The following LOC400499 variants were observed in gnomAD, a reference collection of about 807,000 sequenced individuals.
chr16:11,468,777 G>A, the LOC400499 span, among the ~76,000 whole-genome samples: 11 of 152,008 alleles, frequency 7.2e-5, no homozygotes, highest in Non-Finnish European at 1.3e-4. Flanking sequence ...ACAGGCACCC[G>A]CCACCACACC....
At chr16:11,406,273 G>T in the LOC400499 span, among the ~76,000 whole-genome samples, 1 of 152,168 alleles carries the variant, frequency 6.6e-6, no homozygotes, top group East Asian at 1.9e-4. Flanking sequence ...ATGTGATACT[G>T]GGTTTTCTGT....
chr16:11,492,109 T>C, the LOC400499 span, among the ~76,000 whole-genome samples: 2 of 152,248 alleles, frequency 1.3e-5, no homozygotes, highest in East Asian at 3.9e-4. Flanking sequence ...ATGGCTACGT[T>C]CCAATAAAAC....
At chr16:11,383,506 A>C in the LOC400499 span, 6 of 997,890 alleles carry the variant, frequency 6.0e-6, no homozygotes, top group Non-Finnish European at 7.7e-6. Context: ...AGGCAGTCTT[A>C]ATAAATGTTG....
chr16:11,499,694 A>AG, the LOC400499 span, among the ~76,000 whole-genome samples: 5 of 152,110 alleles, frequency 3.3e-5, no homozygotes, highest in Non-Finnish European at 7.4e-5. Flanking sequence ...CTACCAATGC[A>AG]GGGGTCTCTG....
chr16:11,427,837 T>G, the LOC400499 span, among the ~76,000 whole-genome samples: 1 of 152,200 alleles, frequency 6.6e-6, no homozygotes, highest in Non-Finnish European at 1.5e-5. Flanking sequence ...TAAGCACATT[T>G]TGAGCTTTAG....
At chr16:11,443,660 G>A in the LOC400499 span, among the ~76,000 whole-genome samples, 4 of 152,118 alleles carry the variant, frequency 2.6e-5, no homozygotes, top group East Asian at 1.9e-4. Flanking sequence ...CATTGTAATC[G>A]TCACAGCCAC....
chr16:11,384,243 G>C, the LOC400499 span: 1 of 1,232,302 alleles, frequency 8.1e-7, no homozygotes. Flanking sequence ...GCTCCTCCAG[G>C]CTGCGGGCCA....
the LOC400499 span, among the ~76,000 whole-genome samples, chr16:11,373,179 G>GT: frequency 6.6e-6 from 1 of 152,212 alleles, no homozygotes; most frequent in Admixed American, 6.5e-5. Context: ...GAGATCTTCA[G>GT]TACAGCATGC....
the LOC400499 span, chr16:11,392,103 CT>C: frequency 2.5e-6 from 1 of 399,098 alleles, no homozygotes; most frequent in Admixed American, 4.4e-5. Flanking sequence ...CAATCCTGGA[CT>C]GTGAGGACAG....
the LOC400499 span, among the ~76,000 whole-genome samples, chr16:11,511,658 T>C: frequency 7.2e-5 from 11 of 152,290 alleles, no homozygotes; most frequent in Admixed American, 5.2e-4. Flanking sequence ...AGAAAGTAGT[T>C]GAGTGGCTGC....
At chr16:11,416,975 T>C in the LOC400499 span, among the ~76,000 whole-genome samples, 153 of 152,196 alleles carry the variant, frequency 1.0e-3, 2 homozygotes, top group East Asian at 0.027. Flanking sequence ...GGCTGTACTG[T>C]ATTGTGCTCT....
chr16:11,518,292 GAGA>G, the LOC400499 span, among the ~76,000 whole-genome samples: 40 of 152,238 alleles, frequency 2.6e-4, no homozygotes, highest in South Asian at 1.0e-3. Context: ...GGAATCTGCA[GAGA>G]AGGAGTTGTC....
the LOC400499 span, among the ~76,000 whole-genome samples, chr16:11,395,963 G>A: frequency 0.22 from 34,137 of 152,082 alleles, 4,060 homozygotes; most frequent in African/African-American, 0.29. Flanking sequence ...GGGCAGAGTA[G>A]GTATTGGAGG....
At chr16:11,459,796 T>C in the LOC400499 span, 1 of 1,177,740 alleles carries the variant, frequency 8.5e-7, no homozygotes, top group Non-Finnish European at 1.1e-6. Context: ...GCTGCTTGCA[T>C]CCTTGTAGCC....
At chr16:11,416,731 C>T in the LOC400499 span, among the ~76,000 whole-genome samples, 326 of 152,170 alleles carry the variant, frequency 2.1e-3, 1 homozygote, top group Middle Eastern at 6.8e-3. Context: ...GGAAAAATAC[C>T]TAAGGGAGGT....
the LOC400499 span, among the ~76,000 whole-genome samples, chr16:11,379,931 GT>G: frequency 6.6e-6 from 1 of 152,146 alleles, no homozygotes; most frequent in African/African-American, 2.4e-5. Context: ...TGACAGCTCT[GT>G]CCCCCTCCTA....
At chr16:11,495,365 G>C in the LOC400499 span, among the ~76,000 whole-genome samples, 1 of 151,406 alleles carries the variant, frequency 6.6e-6, no homozygotes, top group African/African-American at 2.4e-5. Context: ...GCACCTCAGA[G>C]AAATCAGACC....
the LOC400499 span, chr16:11,500,782 C>T: frequency 2.5e-5 from 10 of 398,952 alleles, no homozygotes; most frequent in East Asian, 3.6e-5. Context: ...ACCGGGGCCC[C>T]GGGTGGGGTG....
chr16:11,395,982 G>A, the LOC400499 span, among the ~76,000 whole-genome samples: 1 of 152,190 alleles, frequency 6.6e-6, no homozygotes, highest in Non-Finnish European at 1.5e-5. Context: ...GGCCAACTCT[G>A]CCCCTTCCTA....
Sources: gnomAD v4.1 joint callset for allele counts (sites outside exome capture counted in the v4.1 genomes callset) on GRCh38, gnomAD v4.1.1 for gene constraint, MANE v1.5 for transcripts.